Variants in HTT observed in about 807,000 individuals in gnomAD.
HTT encodes huntingtin, also known as huntington disease protein.
In HTT, 104 loss-of-function variants were observed where a neutral mutation model predicts 362.3. The observed-to-expected ratio is 0.29, with a 90% CI of 0.24 to 0.34. HTT has a LOEUF of 0.34. Ranked by LOEUF, HTT falls within the 10% of genes least tolerant of loss-of-function variation. The pLI, the probability that HTT is intolerant of heterozygous loss-of-function variation, is 1.00. For synonymous variants in HTT, 1,577 were observed against 1,548.7 expected (o/e 1.02, Z -0.43); for missense variants, 3,301 against 3,928.6 (o/e 0.84, Z 4.27).
chr4:3,231,063 G>A (rs965616065), intron 60 of HTT, among the ~76,000 whole-genome samples: 3 of 152,232 alleles, frequency 2.0e-5, no homozygotes, highest in African/African-American at 4.8e-5. Flanking sequence ...ATCATTGCCC[G>A]TGGGTCCCGA....
chr4:3,074,987 G>T lies in HTT; in HGVS notation c.162G>T (p.Pro54=), dbSNP rs758382723. The change falls in exon 1 of 67, where the codon CCG becomes CCT. Residue 54 remains proline (P), a synonymous_variant. Coordinates refer to ENST00000355072, the MANE Select transcript of HTT (RefSeq NM_001388492.1). ...CGCCGCCTCCTCAGCTTCCTCAGCC[G>T]CCGCCGCAGGCACAGCCGCTGCTGC... ...PPPPPPQLPQ[P]PPQAQPLLPQ... 4 of 1,436,544 alleles carry T rather than the reference G, an allele frequency of 2.8e-6. No homozygotes were observed. The East Asian group carries it at 1.2e-4, about 43-fold the overall frequency. 89.0% of individuals were successfully genotyped at this position (1,436,544 alleles called of 1,614,324 possible).
At chr4:3,127,949 G>A (rs1426963438) in intron 12 of HTT, among the ~76,000 whole-genome samples, 2 of 151,688 alleles carry the variant, frequency 1.3e-5, no homozygotes, top group Non-Finnish European at 2.9e-5. Flanking sequence ...GGGCAACAGA[G>A]CAAGACTCCA....
At chr4:3,118,540 A>G (rs1715139690) in intron 8 of HTT, among the ~76,000 whole-genome samples, 1 of 152,218 alleles carries the variant, frequency 6.6e-6, no homozygotes, top group South Asian at 2.1e-4. Flanking sequence ...AGGGTGAGAC[A>G]GTGCTCACAG....
intron 21 of HTT, among the ~76,000 whole-genome samples, chr4:3,137,952 C>T (rs1208246074): frequency 1.3e-5 from 2 of 152,122 alleles, no homozygotes; most frequent in Non-Finnish European, 2.9e-5. Flanking sequence ...GAACATTTGC[C>T]TGCAAGATTT....
rs1255617212 is a variant in HTT at position 3,209,919 on chromosome 4, T to G, written c.6384T>G (p.Ala2128=). 5 of 1,614,044 alleles carry G rather than the reference T, an allele frequency of 3.1e-6. No individual in the cohort carries two copies. The African/African-American group carries it at 5.3e-5, about 17-fold the overall frequency. The part of the protein sequence containing the change: ...EGAELVNRIP[A]EDMNAFMMNS... ...CAGAGCTGGTGAATCGGATTCCTGC[T>G]GAAGATATGAATGCCTTCATGATGA... Residue 2128 remains alanine (A), a synonymous_variant, in exon 47 of 67, where the codon GCT becomes GCG. Coordinates refer to ENST00000355072, the MANE Select transcript of HTT (RefSeq NM_001388492.1).
intron 54 of HTT, among the ~76,000 whole-genome samples, chr4:3,222,735 C>T (rs1276937750): frequency 3.9e-5 from 6 of 152,154 alleles, no homozygotes; most frequent in Non-Finnish European, 8.8e-5. Flanking sequence ...AGGATCAATA[C>T]GATTGTGCCC....
At chr4:3,092,312 G>A (rs1231664139) in intron 2 of HTT, among the ~76,000 whole-genome samples, 5 of 152,078 alleles carry the variant, frequency 3.3e-5, no homozygotes, top group Admixed American at 2.0e-4. Flanking sequence ...GAGCCACTGC[G>A]CCTGGCCAGA....
At chr4:3,236,011 G>T (rs755302420) in intron 63 of HTT, 138 bp from the exon 64 acceptor site, 3 of 760,652 alleles carry the variant, frequency 3.9e-6, no homozygotes, top group Non-Finnish European at 6.9e-6. Context: ...GCTGGGCTGG[G>T]TCCTGGGCAA....
intron 11 of HTT, among the ~76,000 whole-genome samples, chr4:3,126,751 T>C (rs1224617582): frequency 6.6e-6 from 1 of 152,160 alleles, no homozygotes; most frequent in African/African-American, 2.4e-5. Context: ...ATTTAGAAAG[T>C]CAACTAGGAA....
In HTT at chr4:3,171,678, T is replaced by C. The variant is rs138744481; in HGVS notation, c.3865-642T>C. 2.1e-3 allele frequency among the ~76,000 whole-genome samples: 320 copies of C among 152,198 alleles called. 2 individuals are homozygous for C. The highest frequency in any genetic ancestry group is 7.4e-3 in the African/African-American group (309 of 41,522). ...TTTTGGTAGAGATGGGGTTTCACTA[T>C]ATTGGTCAGGCTGGTCTTGAACTCC... On this transcript the variant is annotated intron_variant, in intron 29 of 66. Coordinates refer to ENST00000355072, the MANE Select transcript of HTT (RefSeq NM_001388492.1).
At chr4:3,225,407 G>A (rs540264531) in intron 56 of HTT, among the ~76,000 whole-genome samples, 2 of 152,342 alleles carry the variant, frequency 1.3e-5, no homozygotes, top group South Asian at 4.1e-4. Context: ...AGTGACTGCT[G>A]CAGTCTTATT....
At chr4:3,086,712 C>T (rs1713227243) in intron 1 of HTT, among the ~76,000 whole-genome samples, 3 of 152,086 alleles carry the variant, frequency 2.0e-5, no homozygotes, top group Admixed American at 2.0e-4. Flanking sequence ...AAATGAACTG[C>T]TTTAGTAACA....
At chr4:3,138,065 GTTCC>G (rs57986232) in intron 21 of HTT, among the ~76,000 whole-genome samples, 61,949 of 145,210 alleles carry the variant, frequency 0.43, 13,553 homozygotes, top group African/African-American at 0.48. Context: ...ACATACCATT[GTTCC>G]TTCCTTCCTT....
At chr4:3,088,094 C>T (rs1713306136) in intron 2 of HTT, among the ~76,000 whole-genome samples, 2 of 152,148 alleles carry the variant, frequency 1.3e-5, no homozygotes, top group African/African-American at 2.4e-5. Flanking sequence ...GCCTCAGCCT[C>T]CCAAAGTGCT....
intron 1 of HTT, among the ~76,000 whole-genome samples, chr4:3,077,817 A>G (rs1329154059): frequency 6.6e-6 from 1 of 152,202 alleles, no homozygotes; most frequent in East Asian, 1.9e-4. Flanking sequence ...CATATTTGTC[A>G]TATTTCTCTG....
intron 11 of HTT, 80 bp downstream of exon 11, chr4:3,125,709 C>A: frequency 9.7e-7 from 1 of 1,025,666 alleles, no homozygotes; most frequent in Non-Finnish European, 1.5e-6. Context: ...CGTCCCCCTG[C>A]ACCTGGTGGA....
intron 1 of HTT, among the ~76,000 whole-genome samples, chr4:3,085,370 C>G (rs921111525): frequency 6.6e-6 from 1 of 152,086 alleles, no homozygotes. Flanking sequence ...CTCCTGACCT[C>G]AGATGATCTG....
chr4:3,129,808 T>C (rs1715715057), intron 12 of HTT, 116 bp from the exon 13 acceptor site: 2 of 1,197,330 alleles, frequency 1.7e-6, no homozygotes, highest in Non-Finnish European at 2.5e-6. Flanking sequence ...GACAGATGAG[T>C]ACATTTGTGT....
At position 3,074,932 on chromosome 4, in the gene HTT, A is replaced by C. The variant is rs746852037; in HGVS notation, c.107A>C (p.Gln36Pro). The change falls in exon 1 of 67, where the codon CAG becomes CCG. Residue 36 changes from glutamine to proline, a missense_variant. Around this residue, in one of 4 missense-constraint regions of HTT, gnomAD observed 2,316 missense variants for 2,658.5 expected, o/e 0.87. Coordinates refer to ENST00000355072, the MANE Select transcript of HTT (RefSeq NM_001388492.1). Reference sequence around the variant, plus strand: ...CAGCAGCAGCAGCAGCAGCAGCAGCAGCAACAGCCGCCACCGCCGCCGCCG... The same window carrying C: ...CAGCAGCAGCAGCAGCAGCAGCAGCCGCAACAGCCGCCACCGCCGCCGCCG... ...QQQQQQQQQQ[Q>P]QQPPPPPPPP... 0.069 allele frequency: 86,152 copies of C among 1,251,750 alleles called. 7,526 individuals carry two copies. Among genetic ancestry groups the C allele is most frequent in the East Asian group, 0.23 (6,567 of 29,144 alleles). 77.5% of individuals were successfully genotyped at this position (1,251,750 alleles called of 1,614,324 possible).
Sources: gnomAD v4.1 joint callset for allele counts (sites outside exome capture counted in the v4.1 genomes callset) on GRCh38, gnomAD v4.1.1 for gene constraint, gnomAD v4.1.1 regional missense constraint, MANE v1.5 for transcripts, NCBI Gene and HGNC (gene_info 2026-07-23, HGNC 2026-07-21) for gene names.